ACSM3: variants seen among roughly 807,000 people sequenced by gnomAD.
The protein encoded by ACSM3 is acyl-CoA synthetase medium chain family member 3, also known as acyl-coenzyme A synthetase ACSM3, mitochondrial.
ACSM3 carries 61 observed loss-of-function variants against 74.1 expected under a neutral mutation model. The ratio of observed to expected loss-of-function variants is 0.82; its 90% CI spans 0.67 to 1.02. The LOEUF is 1.02. Ranked by LOEUF, ACSM3 falls within the 50% of genes least tolerant of loss-of-function variation. The probability of loss-of-function intolerance (pLI) is 0.00; values close to 1 mark genes in which losing one functional copy is unlikely to be tolerated. For synonymous variants in ACSM3, 213 were observed against 241.5 expected (o/e 0.88, Z 1.09); for missense variants, 660 against 697.0 (o/e 0.95, Z 0.60).
At chr16:20,736,693 C>A (rs2079872607) in intron 1 of ACSM3, 1 of 625,426 alleles carries the variant, frequency 1.6e-6, no homozygotes, top group South Asian at 2.1e-5. Context: ...CTACGTAATA[C>A]CATAAAGGCT....
intron 1 of ACSM3, among the ~76,000 whole-genome samples, chr16:20,711,968 A>G (rs2152378184): frequency 6.6e-6 from 1 of 152,128 alleles, no homozygotes; most frequent in South Asian, 2.1e-4. Context: ...TTCCTCAAAC[A>G]TGCCCTATCT....
intron 13 of ACSM3, 21 bp downstream of exon 13, chr16:20,796,510 G>A (rs750707571): frequency 2.2e-5 from 35 of 1,608,654 alleles, no homozygotes; most frequent in East Asian, 6.7e-5. Flanking sequence ...TAATTATAAC[G>A]AATATTTGCT....
intron 4 of ACSM3, chr16:20,780,207 C>A: frequency 5.5e-6 from 1 of 182,970 alleles, no homozygotes; most frequent in Admixed American, 5.5e-5. Flanking sequence ...TGGGCAATAA[C>A]ATTTTATTTA....
Position 20,743,431 on chromosome 16 carries a change from T to C in ACSM3, c.-189-6479T>C, listed in dbSNP as rs960003709. Among the ~76,000 whole-genome samples the C allele has an allele frequency of 2.6e-5, 4 of 152,330 alleles. 1 individual carries two copies. Among genetic ancestry groups the C allele is most frequent in the African/African-American group, 2.4e-5 (1 of 41,580 alleles). Reference sequence around the variant, plus strand: ...TATCCATAGTCTTGGCAACTTATCATGTTACTGTCTTTTTAAAAATCATTG... The same window carrying C: ...TATCCATAGTCTTGGCAACTTATCACGTTACTGTCTTTTTAAAAATCATTG... On this transcript the variant is annotated intron_variant, in intron 1 of 3. Transcript: ENST00000561584.
chr16:20,698,392 G>C (rs577256548), intron 1 of ACSM3, among the ~76,000 whole-genome samples: 1 of 152,158 alleles, frequency 6.6e-6, no homozygotes, highest in African/African-American at 2.4e-5. Flanking sequence ...TAATGGATAA[G>C]AGCCTGGGCT....
intron 1 of ACSM3, chr16:20,734,198 G>A (rs2079849209): frequency 1.3e-5 from 2 of 152,582 alleles, no homozygotes; most frequent in East Asian, 3.8e-4. Flanking sequence ...AAACAATTTA[G>A]TTCCACAGAG....
intron 2 of ACSM3, 121 bp downstream of exon 2, chr16:20,770,374 CT>C (rs2080177916): frequency 1.2e-6 from 1 of 815,198 alleles, no homozygotes; most frequent in African/African-American, 1.7e-5. Flanking sequence ...GCAGTTGCTA[CT>C]GGCATCTAAC....
chr16:20,710,991 C>T (rs3848253), intron 1 of ACSM3, among the ~76,000 whole-genome samples: 73,818 of 151,602 alleles, frequency 0.49, 18,900 homozygotes, highest in Non-Finnish European at 0.58. Context: ...GAGGCTAAAG[C>T]AGGAGAATCT....
At chr16:20,718,020 GAA>G (rs2079771485) in intron 1 of ACSM3, among the ~76,000 whole-genome samples, 2 of 147,138 alleles carry the variant, frequency 1.4e-5, no homozygotes, top group African/African-American at 5.2e-5. Flanking sequence ...AGAAGAAGAA[GAA>G]GAAGAAAAGA....
In ACSM3 at chr16:20,711,580, G is replaced by T. The variant is rs141943337; in HGVS notation, c.-190+36758G>T. The T allele has an allele frequency of 1.5e-4, 202 of 1,357,924 alleles. No individual in the cohort carries two copies. In the African/African-American group the frequency reaches 2.5e-3, roughly 17 times the overall value. 84.1% of individuals were successfully genotyped at this position (1,357,924 alleles called of 1,614,324 possible). The stretch of plus-strand genomic sequence containing the variant: ...TGTGGCCAGTGAGGAGGTGGTCCCA[G>T]TAGTGGAGTCCATTGCACTGGAGTG... On this transcript the variant is annotated intron_variant, in intron 1 of 3. Transcript: ENST00000561584.
upstream of ACSM3, among the ~76,000 whole-genome samples, chr16:20,759,361 T>A (rs1027638510): frequency 6.6e-6 from 1 of 151,958 alleles, no homozygotes; most frequent in Non-Finnish European, 1.5e-5. Flanking sequence ...ATCGAGACCA[T>A]CTTGGCTAAC....
upstream of ACSM3, chr16:20,763,903 T>A (rs1329367933): frequency 1.3e-5 from 2 of 151,930 alleles, no homozygotes; most frequent in Admixed American, 6.6e-5. Context: ...CCGCTGGGAG[T>A]CCTGTAAACT....
intron 2 of ACSM3, among the ~76,000 whole-genome samples, chr16:20,752,250 A>G (rs2079994730): frequency 6.6e-6 from 1 of 152,098 alleles, no homozygotes; most frequent in South Asian, 2.1e-4. Flanking sequence ...CACACCTGTA[A>G]TCTCAGCATT....
intron 1 of ACSM3, chr16:20,735,357 C>T (rs1001731792): frequency 6.9e-6 from 1 of 145,190 alleles, no homozygotes; most frequent in African/African-American, 2.5e-5. Flanking sequence ...TGCTGTCTGT[C>T]CAGGTTTTTG....
intron 8 of ACSM3, among the ~76,000 whole-genome samples, chr16:20,785,871 GAT>G (rs1237742753): frequency 1.3e-5 from 2 of 152,078 alleles, no homozygotes; most frequent in African/African-American, 2.4e-5. Context: ...GATAAATATG[GAT>G]ATATGAGTAA....
chr16:20,711,872 T>A (rs935794499), intron 1 of ACSM3, among the ~76,000 whole-genome samples: 3 of 152,146 alleles, frequency 2.0e-5, no homozygotes, highest in Non-Finnish European at 4.4e-5. Context: ...TCCTCCTGCT[T>A]CCTAGTGGTC....
intron 1 of ACSM3, among the ~76,000 whole-genome samples, chr16:20,692,443 G>T (rs1021322293): frequency 3.3e-5 from 5 of 152,158 alleles, no homozygotes; most frequent in Non-Finnish European, 7.3e-5. Context: ...TGAAGACCTG[G>T]GATTAATGGC....
At chr16:20,795,353 T>C (rs921249748) in intron 12 of ACSM3, among the ~76,000 whole-genome samples, 6 of 152,184 alleles carry the variant, frequency 3.9e-5, no homozygotes, top group African/African-American at 1.4e-4. Flanking sequence ...AAATGGGTAA[T>C]TGTTCATACA....
upstream of ACSM3, among the ~76,000 whole-genome samples, chr16:20,762,020 A>G (rs2080081353): frequency 1.3e-5 from 2 of 152,242 alleles, no homozygotes; most frequent in Admixed American, 1.3e-4. Flanking sequence ...ATGCCAATGT[A>G]TAAAACGCAA....
Sources: allele counts gnomAD v4.1 joint callset (sites outside exome capture counted in the v4.1 genomes callset), GRCh38; gene constraint gnomAD v4.1.1; transcripts MANE v1.5; gene names NCBI Gene and HGNC (gene_info 2026-07-23, HGNC 2026-07-21).